Variants in PPFIA1 observed in about 807,000 individuals in gnomAD.
PPFIA1 encodes PPFI scaffold protein A1, also known as liprin-alpha-1.
Under a neutral mutation model 149.9 loss-of-function variants are expected in PPFIA1, and 25 were observed. That is an observed-to-expected ratio of 0.17 (90% CI 0.12 to 0.23). The LOEUF (loss-of-function observed/expected upper bound fraction) is 0.23. PPFIA1 is among the 10% of genes least tolerant of loss of function. PPFIA1 has a pLI of 1.00. For synonymous variants in PPFIA1, 549 were observed against 552.8 expected (o/e 0.99, Z 0.10); for missense variants, 1,362 against 1,506.5 (o/e 0.90, Z 1.59).
chr11:70,359,533 A>G (rs914752982), intron 19 of PPFIA1, among the ~76,000 whole-genome samples: 36 of 152,134 alleles, frequency 2.4e-4, no homozygotes, highest in African/African-American at 8.7e-4. Context: ...TACCTGTGAA[A>G]GCAAGTCTTG....
intron 2 of PPFIA1, among the ~76,000 whole-genome samples, chr11:70,288,878 G>A (rs767383934): frequency 2.6e-5 from 4 of 151,782 alleles, no homozygotes; most frequent in Non-Finnish European, 5.9e-5. Context: ...TTCCTCTCAG[G>A]AGCCCTGGTT....
intron 2 of PPFIA1, among the ~76,000 whole-genome samples, chr11:70,323,767 A>G (rs1283947922): frequency 6.6e-6 from 1 of 152,224 alleles, no homozygotes; most frequent in African/African-American, 2.4e-5. Flanking sequence ...TTGTGCTGTC[A>G]TGCTAGAAGT....
chr11:70,325,023 C>T lies in PPFIA1; in HGVS notation c.531+12C>T, dbSNP rs2054176139. 1.3e-6 allele frequency: 2 copies of T among 1,599,638 alleles called. No individual in the cohort carries two copies. Among genetic ancestry groups the T allele is most frequent in the African/African-American group, 1.3e-5 (1 of 74,322 alleles). ...CTCTGGATGAAAAGGTGCCATCAGCCACATAAGTCTTGGTTTGTGCACATG... is the reference window on the plus strand; with the variant it reads ...CTCTGGATGAAAAGGTGCCATCAGCTACATAAGTCTTGGTTTGTGCACATG... On this transcript the variant is annotated intron_variant, in intron 4 of 27. Transcript: ENST00000253925.
intron 15 of PPFIA1, among the ~76,000 whole-genome samples, chr11:70,344,852 G>C (rs1259782577): frequency 1.3e-5 from 2 of 152,310 alleles, no homozygotes; most frequent in East Asian, 3.9e-4. Context: ...AATTACTACG[G>C]AGCTCAGTGG....
At chr11:70,354,150 C>A in intron 16 of PPFIA1, 151 bp from the exon 17 acceptor site, 1 of 754,874 alleles carries the variant, frequency 1.3e-6, no homozygotes, top group Non-Finnish European at 2.1e-6. Context: ...TGCTGCGTGG[C>A]CCTTCAGAAT....
intron 21 of PPFIA1, 25 bp downstream of exon 21, chr11:70,362,513 T>G (rs2056712401): frequency 2.6e-6 from 4 of 1,551,210 alleles, no homozygotes; most frequent in South Asian, 1.2e-5. Context: ...AACCCCTGCA[T>G]TCTTTGGAAA....
intron 14 of PPFIA1, among the ~76,000 whole-genome samples, chr11:70,343,159 G>A (rs2055460516): frequency 6.6e-6 from 1 of 152,104 alleles, no homozygotes; most frequent in Non-Finnish European, 1.5e-5. Context: ...TGCTGGCCAG[G>A]TTGGTCTCGA....
chr11:70,355,923 A>C, intron 18 of PPFIA1, 112 bp downstream of exon 18: 1 of 1,382,384 alleles, frequency 7.2e-7, no homozygotes, highest in Non-Finnish European at 9.9e-7. Flanking sequence ...CTCTCCAGGG[A>C]GCAGCAGCTG....
chr11:70,303,675 G>A (rs929383047), intron 2 of PPFIA1, among the ~76,000 whole-genome samples: 2 of 152,206 alleles, frequency 1.3e-5, no homozygotes, highest in African/African-American at 2.4e-5. Flanking sequence ...CAGGTGACTG[G>A]TGACTGGCTA....
At chr11:70,295,861 C>T (rs756349130) in intron 2 of PPFIA1, among the ~76,000 whole-genome samples, 7 of 150,584 alleles carry the variant, frequency 4.6e-5, no homozygotes, top group African/African-American at 9.8e-5. Context: ...GGCTGCTGGG[C>T]GGAGGGGCTC....
chr11:70,300,432 C>T (rs946919326), intron 2 of PPFIA1, among the ~76,000 whole-genome samples: 7 of 152,022 alleles, frequency 4.6e-5, no homozygotes, highest in Admixed American at 2.0e-4. Flanking sequence ...TACAGTGGCC[C>T]GATCTGGGCT....
At position 70,375,080 on chromosome 11, in the gene PPFIA1, C is replaced by A; in HGVS notation, c.3302C>A (p.Thr1101Lys). The A allele has an allele frequency of 6.2e-7, 1 of 1,610,032 alleles. No homozygotes were observed. Among genetic ancestry groups the A allele is most frequent in the Non-Finnish European group, 8.5e-7 (1 of 1,178,952 alleles). ...SALALLLQIP[T>K]QNTQARAVLE... ...CTGGCACTGCTGTTACAGATCCCGA[C>A]GCAGAACACACAGGTGACGCCAAAC... Residue 1101 changes from threonine to lysine, a missense_variant, in exon 24 of 28, where the codon ACG becomes AAG. Physicochemically the swap from Thr to Lys is moderately conservative, Grantham distance 78 (BLOSUM62 -1). Transcript: ENST00000253925.
chr11:70,333,206 G>T lies in PPFIA1; in HGVS notation c.1213-264G>T, dbSNP rs577395581. 542 of 554,776 alleles carry T rather than the reference G, an allele frequency of 9.8e-4. 7 individuals carry two copies. Among genetic ancestry groups the T allele is most frequent in the South Asian group, 8.6e-3 (525 of 61,166 alleles). 34.4% of individuals were successfully genotyped at this position (554,776 alleles called of 1,614,324 possible). A position where few individuals can be genotyped will look rare whatever the true frequency, so the allele number is the denominator to read the frequency against. On this transcript the variant is annotated intron_variant, in intron 9 of 27. Transcript: ENST00000253925. ...GGAGAATCACGACTCCATTGAGATT[G>T]GGCATAGGGGTTGGGGGGAAAACAC... is the stretch of plus-strand genomic sequence containing the variant.
intron 16 of PPFIA1, chr11:70,349,774 G>A (rs1180787769): frequency 2.8e-6 from 1 of 359,484 alleles, no homozygotes; most frequent in Admixed American, 4.0e-5. Context: ...TTGTGGGCTT[G>A]TGCTTATTTC....
chr11:70,372,583 A>C lies in PPFIA1; in HGVS notation c.3139+9A>C, dbSNP rs745924946. The stretch of plus-strand genomic sequence containing the variant: ...TCAGAGTGAAATAAAAGGTTAGTAC[A>C]TGACATTTAATTGATTCGGTTTACT... On this transcript the variant is annotated intron_variant, in intron 23 of 27. Coordinates refer to ENST00000253925, the MANE Select transcript of PPFIA1 (RefSeq NM_003626.5). 1.6e-4 allele frequency: 259 copies of C among 1,591,428 alleles called. No individual in the cohort carries two copies. Among genetic ancestry groups the C allele is most frequent in the Non-Finnish European group, 2.1e-4 (241 of 1,162,058 alleles).
chr11:70,295,886 G>A (rs1264847693), intron 2 of PPFIA1, among the ~76,000 whole-genome samples: 1 of 151,982 alleles, frequency 6.6e-6, no homozygotes, highest in Middle Eastern at 3.4e-3. Flanking sequence ...CTTCTCAGAC[G>A]GGGCGGCTGC....
At chr11:70,297,198 C>T (rs2052119593) in intron 2 of PPFIA1, among the ~76,000 whole-genome samples, 1 of 152,024 alleles carries the variant, frequency 6.6e-6, no homozygotes, top group African/African-American at 2.4e-5. Context: ...CACTTGAGGC[C>T]AGGAGTTCGA....
Position 70,347,108 on chromosome 11 carries a change from G to A in PPFIA1, c.1932-1081G>A, listed in dbSNP as rs547676538. Among the ~76,000 whole-genome samples, 53 of 152,302 alleles carry A rather than the reference G, an allele frequency of 3.5e-4. 2 individuals are homozygous for A. The highest frequency in any genetic ancestry group is 2.3e-3 in the Admixed American group (35 of 15,300). ...ATTTTCGTTTAGTCTAAACAGTTAAGTGTTGGGAAACTCCTAATTGTTTTG... is the reference window on the plus strand; with the variant it reads ...ATTTTCGTTTAGTCTAAACAGTTAAATGTTGGGAAACTCCTAATTGTTTTG... On this transcript the variant is annotated intron_variant, in intron 15 of 27. Coordinates refer to ENST00000253925, the MANE Select transcript of PPFIA1 (RefSeq NM_003626.5).
At chr11:70,339,889 G>A (rs908935769) in intron 14 of PPFIA1, among the ~76,000 whole-genome samples, 4 of 152,092 alleles carry the variant, frequency 2.6e-5, no homozygotes, top group Non-Finnish European at 4.4e-5. Context: ...AGTGGCAGGT[G>A]CCTATAATCC....
Sources: gnomAD v4.1 joint callset for allele counts (sites outside exome capture counted in the v4.1 genomes callset) on GRCh38, gnomAD v4.1.1 for gene constraint, MANE v1.5 for transcripts, NCBI Gene and HGNC (gene_info 2026-07-23, HGNC 2026-07-21) for gene names.